Variants in MAP1LC3C observed in about 807,000 individuals in gnomAD.
MAP1LC3C encodes the protein microtubule associated protein 1 light chain 3 gamma.
In MAP1LC3C, 12 loss-of-function variants were observed where a neutral mutation model predicts 10.4. The observed-to-expected ratio is 1.15, with a 90% CI of 0.74 to 1.86. The LOEUF (loss-of-function observed/expected upper bound fraction) is 1.86, where lower values mean the gene tolerates loss of function less well. Among genes scored for constraint, MAP1LC3C ranks in the 40% most tolerant of loss-of-function variants. MAP1LC3C has a pLI of 0.00. For synonymous variants in MAP1LC3C, 70 were observed against 69.0 expected (o/e 1.01, Z -0.07); for missense variants, 177 against 185.7 (o/e 0.95, Z 0.27).
upstream of MAP1LC3C, among the ~76,000 whole-genome samples, chr1:242,000,491 A>T (rs1299844625): frequency 1.3e-5 from 2 of 152,038 alleles, no homozygotes; most frequent in African/African-American, 4.8e-5. Flanking sequence ...CCTCCCAAAG[A>T]GCTGGGATCT....
chr1:241,998,938 C>T lies in MAP1LC3C; in HGVS notation c.58+13G>A. The T allele has an allele frequency of 6.2e-7, 1 of 1,610,936 alleles. No individual in the cohort carries two copies. The highest frequency in any genetic ancestry group is 8.5e-7 in the Non-Finnish European group (1 of 1,179,332). ...TCTTTAGATAACCCAGAAAGCTACCCCAAGAAATTTACCCAAGCTTTTCCT... is the reference window on the plus strand; with the variant it reads ...TCTTTAGATAACCCAGAAAGCTACCTCAAGAAATTTACCCAAGCTTTTCCT... On this transcript the variant is annotated intron_variant, in intron 1 of 3. Transcript: ENST00000357246.
chr1:241,999,143 A>T, upstream of MAP1LC3C: 1 of 1,426,412 alleles, frequency 7.0e-7, no homozygotes, highest in Non-Finnish European at 9.1e-7. Flanking sequence ...GCTGAGTGAC[A>T]TCAGGCCTCT....
intron 3 of MAP1LC3C, among the ~76,000 whole-genome samples, chr1:241,998,087 G>A (rs28543023): frequency 0.91 from 132,862 of 146,076 alleles, 60,658 homozygotes; most frequent in Non-Finnish European, 0.97. Context: ...CAGTGGAACA[G>A]TCTCGGCTCA....
rs577978283 is a variant in MAP1LC3C at position 241,998,619 on chromosome 1, A to G, written c.116T>C (p.Val39Ala). 3 of 1,609,868 alleles carry G rather than the reference A, an allele frequency of 1.9e-6. No individual in the cohort carries two copies. In the African/African-American group the frequency reaches 4.0e-5, roughly 21 times the overall value. Reference sequence around the variant, plus strand: ...CTCCCTGGGGTAGCGCTCCACTACCACCTGTCAAGAGTGTCAGTCCTTAAG... The same window carrying G: ...CTCCCTGGGGTAGCGCTCCACTACCGCCTGTCAAGAGTGTCAGTCCTTAAG... The part of the protein sequence containing the change: ...IRAKFPNKIP[V>A]VVERYPRETF... Residue 39 changes from valine (V) to alanine (A), a missense_variant and splice_region_variant, in exon 3 of 4, where the codon GTG (valine) becomes GCG (alanine). Transcript: ENST00000357246.
intron 3 of MAP1LC3C, among the ~76,000 whole-genome samples, chr1:241,997,571 C>T (rs992024515): frequency 3.3e-5 from 5 of 152,174 alleles, no homozygotes; most frequent in Non-Finnish European, 5.9e-5. Flanking sequence ...GCTGCAACAG[C>T]GATGCAGCTT....
Position 241,995,932 on chromosome 1 carries a change from T to G in MAP1LC3C, c.*231A>C. 2.6e-6 allele frequency: 1 copy of G among 378,176 alleles called. No individual in the cohort carries two copies. Among genetic ancestry groups the G allele is most frequent in the Non-Finnish European group, 4.7e-6 (1 of 210,684 alleles). 23.4% of individuals were successfully genotyped at this position (378,176 alleles called of 1,614,324 possible). On this transcript the variant is annotated 3_prime_UTR_variant, in exon 4 of 4. Transcript: ENST00000357246. ...AGACCCTGTTTCAAAAAAAAAAAAATGATAATTATATAACTTTCAAGAGCA... is the reference window on the plus strand; with the variant it reads ...AGACCCTGTTTCAAAAAAAAAAAAAGGATAATTATATAACTTTCAAGAGCA...
intron 2 of MAP1LC3C, 59 bp from the exon 3 acceptor site, chr1:241,998,679 C>T: frequency 1.2e-6 from 2 of 1,608,028 alleles, no homozygotes; most frequent in South Asian, 2.2e-5. Context: ...GAACTTGGAA[C>T]AGACAGAGGG....
At position 241,998,511 on chromosome 1, in the gene MAP1LC3C, T is replaced by A; in HGVS notation, c.221+3A>T. The A allele has an allele frequency of 1.2e-6, 2 of 1,613,762 alleles. No homozygotes were observed. Among genetic ancestry groups the A allele is most frequent in the Non-Finnish European group, 1.7e-6 (2 of 1,179,710 alleles). Reference sequence around the variant, plus strand: ...CCTCCGGGGCACGCTCTGCGCCACCTACCGGATGATGCTGAGGAACTGGGT... The same window carrying A: ...CCTCCGGGGCACGCTCTGCGCCACCAACCGGATGATGCTGAGGAACTGGGT... On this transcript the variant is annotated splice_donor_region_variant and intron_variant, in intron 3 of 3. Coordinates refer to ENST00000357246, the MANE Select transcript of MAP1LC3C (RefSeq NM_001004343.3).
chr1:241,996,852 A>C (rs977017657), intron 3 of MAP1LC3C, among the ~76,000 whole-genome samples: 12 of 137,576 alleles, frequency 8.7e-5, no homozygotes, highest in Non-Finnish European at 1.9e-4. Context: ...CGGAGGTTGC[A>C]GTGAGCCGAA....
At chr1:241,997,430 G>A (rs1236119880) in intron 3 of MAP1LC3C, among the ~76,000 whole-genome samples, 1 of 152,110 alleles carries the variant, frequency 6.6e-6, no homozygotes, top group East Asian at 1.9e-4. Context: ...TGAGATGGGA[G>A]GATCGCCTGA....
At position 241,995,895 on chromosome 1, in the gene MAP1LC3C, G is replaced by A. The variant is rs900982921; in HGVS notation, c.*268C>T. On this transcript the variant is annotated 3_prime_UTR_variant, in exon 4 of 4. Transcript: ENST00000357246. ...GATCATGCCACTGTGCTCCAGCCTA[G>A]GCAATAGAGCAAGACCCTGTTTCAA... 2 of 289,380 alleles carry A rather than the reference G, an allele frequency of 6.9e-6. No individual in the cohort carries two copies. Among genetic ancestry groups the A allele is most frequent in the African/African-American group, 4.2e-5 (2 of 47,082 alleles). 17.9% of individuals were successfully genotyped at this position (289,380 alleles called of 1,614,324 possible).
Position 241,996,240 on chromosome 1 carries a change from C to G in MAP1LC3C, c.367G>C (p.Glu123Gln). Residue 123 changes from glutamate to glutamine, a missense_variant, in exon 4 of 4, where the codon GAG (glutamate) becomes CAG (glutamine). Glu to Gln is a conservative substitution (Grantham distance 29, BLOSUM62 2). Transcript: ENST00000357246. Reference protein sequence around the residue: ...GFVYMTYASQETFGCLESAAP... With the variant: ...GFVYMTYASQQTFGCLESAAP... ...GCTGACTCCAGGCAGCCAAATGTCT[C>G]CTGGGAGGCGTAGGTCATGTACACG... The G allele has an allele frequency of 6.2e-7, 1 of 1,614,170 alleles. No homozygotes were observed. The highest frequency in any genetic ancestry group is 1.6e-4 in the Middle Eastern group (1 of 6,062).
Position 241,996,073 on chromosome 1 carries a change from A to G in MAP1LC3C, c.*90T>C. The stretch of plus-strand genomic sequence containing the variant: ...ATCACCCCAGGCATCCCTGCTTCTC[A>G]GACTCCTCCACTGTATACACAGGAG... On this transcript the variant is annotated 3_prime_UTR_variant, in exon 4 of 4. Transcript: ENST00000357246. 1.7e-6 allele frequency: 2 copies of G among 1,193,484 alleles called. No homozygotes were observed. Among genetic ancestry groups the G allele is most frequent in the Non-Finnish European group, 2.3e-6 (2 of 859,106 alleles). 73.9% of individuals were successfully genotyped at this position (1,193,484 alleles called of 1,614,324 possible). A position where few individuals can be genotyped will look rare whatever the true frequency, so the allele number is the denominator to read the frequency against.
chr1:241,996,514 C>T (rs944273002), intron 3 of MAP1LC3C, 129 bp from the exon 4 acceptor site: 169 of 731,218 alleles, frequency 2.3e-4, no homozygotes, highest in Middle Eastern at 3.8e-4. Flanking sequence ...ACAAGGCTTC[C>T]CATTTGGGTC....
upstream of MAP1LC3C, among the ~76,000 whole-genome samples, chr1:241,999,314 A>G (rs983545571): frequency 1.3e-5 from 2 of 152,170 alleles, no homozygotes; most frequent in Non-Finnish European, 2.9e-5. Context: ...TAATAAAATC[A>G]TTGGCTGGGC....
rs143833562 is a variant in MAP1LC3C, at chr1:241,996,168, G to A, written c.439C>T (p.Leu147Phe). The A allele has an allele frequency of 3.8e-5, 61 of 1,613,260 alleles. No individual in the cohort carries two copies. The highest frequency in any genetic ancestry group is 3.2e-5 in the Non-Finnish European group (38 of 1,179,634). The change falls in exon 4 of 4, where the codon CTC (leucine) becomes TTC (phenylalanine). Residue 147 changes from leucine to phenylalanine, a missense_variant. Coordinates refer to ENST00000357246, the MANE Select transcript of MAP1LC3C (RefSeq NM_001004343.3). ...CACATCCTTCCCGACATGGGCTAGA[G>A]AGGATTGCAGGGTCTGTCCTCAAGG... is the stretch of plus-strand genomic sequence containing the variant. Reference protein sequence around the residue: ...SSLEDRPCNPL With the variant: ...SSLEDRPCNPF
chr1:241,996,294 A>C lies in MAP1LC3C; in HGVS notation c.313T>G (p.Tyr105Asp), dbSNP rs532272336. Reference sequence around the variant, plus strand: ...CCATCCTCATCCTTGTAGTCTCTGTAGATCTCTGCCATGGTTGCGCTCATG... The same window carrying C: ...CCATCCTCATCCTTGTAGTCTCTGTCGATCTCTGCCATGGTTGCGCTCATG... ...VSMSATMAEI[Y>D]RDYKDEDGFV... The change falls in exon 4 of 4, where the codon TAC (tyrosine) becomes GAC (aspartate). Residue 105 changes from tyrosine to aspartate, a missense_variant. Tyr to Asp is a radical substitution (Grantham distance 160, BLOSUM62 -3). Transcript: ENST00000357246. 7 of 1,614,124 alleles carry C rather than the reference A, an allele frequency of 4.3e-6. No homozygotes were observed. The South Asian group carries it at 7.7e-5, about 18-fold the overall frequency.
upstream of MAP1LC3C, among the ~76,000 whole-genome samples, chr1:242,000,681 A>T (rs1277622872): frequency 6.6e-6 from 1 of 152,156 alleles, no homozygotes; most frequent in Non-Finnish European, 1.5e-5. Context: ...AAGGGTACAG[A>T]TGAAGAGATG....
Position 241,999,062 on chromosome 1 carries a change from C to T in MAP1LC3C, c.-54G>A. On this transcript the variant is annotated 5_prime_UTR_variant, in exon 1 of 4. Transcript: ENST00000357246. Reference sequence around the variant, plus strand: ...AAAGAAAAAAAAACTGTCCCGCAACCGGGAACCTAACTCATTCCTCCAGCT... The same window carrying T: ...AAAGAAAAAAAAACTGTCCCGCAACTGGGAACCTAACTCATTCCTCCAGCT... The T allele has an allele frequency of 2.6e-6, 4 of 1,555,378 alleles. No homozygotes were observed. In the East Asian group the frequency reaches 6.7e-5, roughly 26 times the overall value.
Sources: allele counts gnomAD v4.1 joint callset (sites outside exome capture counted in the v4.1 genomes callset), GRCh38; gene constraint gnomAD v4.1.1; transcripts MANE v1.5; gene names NCBI Gene and HGNC (gene_info 2026-07-23, HGNC 2026-07-21).